PDE1C: variants seen among roughly 807,000 people sequenced by gnomAD.
PDE1C encodes phosphodiesterase 1C.
A neutral mutation model predicts 93.1 loss-of-function variants in PDE1C; 62 were observed. The observed-to-expected ratio is 0.67, with a 90% CI of 0.54 to 0.82. The LOEUF is 0.82. PDE1C is among the 40% of genes least tolerant of loss of function. The probability of loss-of-function intolerance (pLI) is 0.00; values close to 1 mark genes in which losing one functional copy is unlikely to be tolerated. For synonymous variants in PDE1C, 325 were observed against 310.1 expected (o/e 1.05, Z -0.50); for missense variants, 742 against 884.6 (o/e 0.84, Z 2.04).
intron 6 of PDE1C, among the ~76,000 whole-genome samples, chr7:31,866,835 T>C (rs1452395166): frequency 1.3e-5 from 2 of 152,030 alleles, no homozygotes; most frequent in South Asian, 2.1e-4. Flanking sequence ...GCAGTCCACA[T>C]TCCCACCTTG....
chr7:32,041,886 CA>C (rs1183005720), intron 2 of PDE1C, among the ~76,000 whole-genome samples: 1 of 151,936 alleles, frequency 6.6e-6, no homozygotes, highest in African/African-American at 2.4e-5. Context: ...GAGAAAAGAA[CA>C]ATTGGCAGAG....
chr7:31,642,105 AGG>A, the PDE1C span: 1 of 1,045,398 alleles, frequency 9.6e-7, no homozygotes, highest in Non-Finnish European at 1.4e-6. Flanking sequence ...AGGCACCTAG[AGG>A]GGTTGATCCA....
intron 2 of PDE1C, among the ~76,000 whole-genome samples, chr7:32,019,072 A>G (rs985732030): frequency 2.6e-5 from 4 of 151,502 alleles, no homozygotes; most frequent in Non-Finnish European, 5.9e-5. Context: ...AGTGCTAGGT[A>G]AGGGGCCCAA....
chr7:31,814,378 G>C (rs1221775337), intron 15 of PDE1C, among the ~76,000 whole-genome samples: 2 of 151,960 alleles, frequency 1.3e-5, no homozygotes, highest in East Asian at 3.9e-4. Context: ...TCTCCAGAAG[G>C]GGGCAGGACG....
intron 7 of PDE1C, among the ~76,000 whole-genome samples, chr7:31,862,210 A>G (rs1407572111): frequency 6.6e-6 from 1 of 152,182 alleles, no homozygotes; most frequent in Non-Finnish European, 1.5e-5. Flanking sequence ...TAGGTCCTCT[A>G]TTTTAATTCT....
intron 16 of PDE1C, among the ~76,000 whole-genome samples, chr7:31,776,265 A>G (rs1716611605): frequency 2.0e-5 from 3 of 152,186 alleles, no homozygotes; most frequent in Admixed American, 1.3e-4. Flanking sequence ...TCAGGTCTTC[A>G]TCTGCAAAAT....
chr7:32,409,586 G>C (rs1050777377), intron 1 of PDE1C, among the ~76,000 whole-genome samples: 1 of 152,012 alleles, frequency 6.6e-6, no homozygotes, highest in African/African-American at 2.4e-5. Flanking sequence ...GTTGATTCTA[G>C]AAAGGGAGAT....
chr7:32,190,265 G>A (rs1474101810), intron 2 of PDE1C, among the ~76,000 whole-genome samples: 1 of 152,186 alleles, frequency 6.6e-6, no homozygotes, highest in East Asian at 1.9e-4. Context: ...TCTATAGGAT[G>A]ATGTTCCCTG....
intron 2 of PDE1C, among the ~76,000 whole-genome samples, chr7:32,187,422 T>A (rs1038979187): frequency 6.6e-6 from 1 of 152,168 alleles, no homozygotes; most frequent in African/African-American, 2.4e-5. Context: ...ACCTTTCCCA[T>A]CTCTTTCTTT....
chr7:31,700,268 A>T, the PDE1C span, among the ~76,000 whole-genome samples: 3 of 152,214 alleles, frequency 2.0e-5, no homozygotes, highest in East Asian at 5.8e-4. Flanking sequence ...TGGAAGTGAA[A>T]CATCCTTATT....
chr7:31,855,259 C>A lies in PDE1C; in HGVS notation c.751-4518G>T, dbSNP rs376930368. ...GAGTATTCAGGGCATTGGCAGAATT[C>A]ATTTCCTTCTAACCTTTTCCACAGT... On this transcript the variant is annotated intron_variant, in intron 7 of 17. Transcript: ENST00000396191. Among the ~76,000 whole-genome samples the A allele has an allele frequency of 1.6e-3, 248 of 152,030 alleles. 1 individual carries two copies. In the Middle Eastern group the frequency reaches 0.017, roughly 10 times the overall value.
chr7:31,793,676 G>T (rs984641181), intron 16 of PDE1C, among the ~76,000 whole-genome samples: 6 of 144,616 alleles, frequency 4.1e-5, no homozygotes, highest in Admixed American at 2.8e-4. Flanking sequence ...ATGGGTCCTC[G>T]TTTTTTTTTT....
intron 1 of PDE1C, among the ~76,000 whole-genome samples, chr7:32,415,824 G>C (rs1785265329): frequency 6.6e-6 from 1 of 152,228 alleles, no homozygotes; most frequent in South Asian, 2.1e-4. Flanking sequence ...CTGGCTTATA[G>C]GCTAGTCATC....
chr7:32,106,212 C>T (rs1210533960), intron 3 of PDE1C, among the ~76,000 whole-genome samples: 2 of 151,922 alleles, frequency 1.3e-5, no homozygotes, highest in African/African-American at 2.4e-5. Flanking sequence ...AGAGATTGGG[C>T]CTTGCTACAT....
intron 1 of PDE1C, among the ~76,000 whole-genome samples, chr7:32,247,912 A>T (rs1173335156): frequency 6.6e-6 from 1 of 152,182 alleles, no homozygotes; most frequent in African/African-American, 2.4e-5. Context: ...TACAATGGGC[A>T]TCTGTACTAG....
intron 2 of PDE1C, among the ~76,000 whole-genome samples, chr7:32,176,538 T>G (rs1307766239): frequency 6.6e-6 from 1 of 151,338 alleles, no homozygotes. Context: ...ACAAAAAAAT[T>G]TACAAATCCT....
intron 17 of PDE1C, 28 bp downstream of exon 17, chr7:31,775,636 A>G (rs772112377): frequency 6.3e-7 from 1 of 1,598,328 alleles, no homozygotes; most frequent in Non-Finnish European, 8.6e-7. Flanking sequence ...GTGGTCACTA[A>G]GATAATGGTG....
intron 2 of PDE1C, among the ~76,000 whole-genome samples, chr7:32,043,374 G>C (rs527740497): frequency 1.3e-5 from 2 of 152,314 alleles, no homozygotes; most frequent in Admixed American, 1.3e-4. Flanking sequence ...AGGATTTAGA[G>C]ATTTGCCTCC....
intron 2 of PDE1C, among the ~76,000 whole-genome samples, chr7:32,045,950 C>A (rs994440659): frequency 2.0e-4 from 31 of 152,156 alleles, no homozygotes; most frequent in Admixed American, 1.3e-4. Context: ...CATGGGCAGG[C>A]CTGACTAAGG....
Sources: gnomAD v4.1 joint callset for allele counts (sites outside exome capture counted in the v4.1 genomes callset) on GRCh38, gnomAD v4.1.1 for gene constraint, MANE v1.5 for transcripts, NCBI Gene and HGNC (gene_info 2026-07-23, HGNC 2026-07-21) for gene names.